The following PTGS2 variants were observed in gnomAD, a reference collection of about 807,000 sequenced individuals.
The protein encoded by PTGS2 is prostaglandin-endoperoxide synthase 2.
PTGS2 carries 14 observed loss-of-function variants against 63.8 expected under a neutral mutation model. The observed-to-expected ratio is 0.22, with a 90% CI of 0.14 to 0.34. The LOEUF (loss-of-function observed/expected upper bound fraction) is 0.34. PTGS2 is among the 10% of genes least tolerant of loss of function. PTGS2 has a pLI of 1.00. For missense variants in PTGS2, 533 were observed against 738.5 expected (o/e 0.72, Z 3.23); for synonymous variants, 271 against 259.5 (o/e 1.04, Z -0.43).
In PTGS2 at chr1:186,673,055, T is replaced by A. The variant is rs979252370; in HGVS notation, c.*1298A>T. ...GTAAAACAAAATAGGAGAAACGAAGTGATGAGAAGACTGTGTCTCTTAGCA... is the reference window on the plus strand; with the variant it reads ...GTAAAACAAAATAGGAGAAACGAAGAGATGAGAAGACTGTGTCTCTTAGCA... On this transcript the variant is annotated 3_prime_UTR_variant, in exon 10 of 10. Coordinates refer to ENST00000367468, the MANE Select transcript of PTGS2 (RefSeq NM_000963.4). The A allele has an allele frequency of 6.6e-6, 1 of 152,042 alleles. No individual in the cohort carries two copies. The highest frequency in any genetic ancestry group is 2.4e-5 in the African/African-American group (1 of 41,478). 9.4% of individuals were successfully genotyped at this position (152,042 alleles called of 1,614,324 possible).
chr1:186,678,912 G>T, intron 3 of PTGS2, 146 bp downstream of exon 3: 1 of 942,592 alleles, frequency 1.1e-6, no homozygotes, highest in Non-Finnish European at 1.5e-6. Context: ...AATATTTTTG[G>T]CGATTAAGAT....
intron 8 of PTGS2, 81 bp from the exon 9 acceptor site, chr1:186,675,477 C>T (rs1211675360): frequency 1.3e-6 from 2 of 1,493,858 alleles, no homozygotes; most frequent in Non-Finnish European, 1.8e-6. Flanking sequence ...AGGTACAAAT[C>T]AGGTAAAACT....
chr1:186,679,587 G>T, intron 1 of PTGS2, 149 bp from the exon 2 acceptor site: 1 of 635,450 alleles, frequency 1.6e-6, no homozygotes, highest in South Asian at 2.0e-5. Context: ...ACCTGCCTTA[G>T]AATGGATAAA....
Position 186,675,273 on chromosome 1 carries a change from A to G in PTGS2, c.1381T>C (p.Tyr461His). ...CCTGTAAGTTCTTCAAATGATTCAT[A>G]GGGCTTCAGCATAAAGCGTTTGCGG... ...EYRKRFMLKP[Y>H]ESFEELTGEK... The change falls in exon 9 of 10, where the codon TAT (tyrosine) becomes CAT (histidine). Residue 461 changes from tyrosine to histidine, a missense_variant. By Grantham distance (83) the Tyr-to-His change is moderately conservative. Coordinates refer to ENST00000367468, the MANE Select transcript of PTGS2 (RefSeq NM_000963.4). 1 of 1,613,548 alleles carries G rather than the reference A, an allele frequency of 6.2e-7. No homozygotes were observed. Among genetic ancestry groups the G allele is most frequent in the Non-Finnish European group, 8.5e-7 (1 of 1,179,900 alleles).
In PTGS2 at chr1:186,672,002, AC is replaced by A. The variant is rs1378315781; in HGVS notation, c.*2350del. ...AAATCAAGTTTTTTTTTTAAAAAAA[AC>A]AGTGAACAGTGTTTTATACAAGCAT... On this transcript the variant is annotated 3_prime_UTR_variant, in exon 10 of 10. Transcript: ENST00000367468. 6.6e-6 allele frequency: 1 copy of A among 152,018 alleles called. No individual in the cohort carries two copies. Among genetic ancestry groups the A allele is most frequent in the African/African-American group, 2.4e-5 (1 of 41,394 alleles). 9.4% of individuals were successfully genotyped at this position (152,018 alleles called of 1,614,324 possible). A position where few individuals can be genotyped will look rare whatever the true frequency, so the allele number is the denominator to read the frequency against.
intron 9 of PTGS2, 33 bp from the exon 10 acceptor site, chr1:186,674,795 A>G: frequency 6.5e-6 from 10 of 1,545,392 alleles, no homozygotes; most frequent in Non-Finnish European, 8.7e-6. Flanking sequence ...GATACAACCA[A>G]TGTCAAACTT....
Position 186,675,896 on chromosome 1 carries a change from A to G in PTGS2, c.1257+2T>C. On this transcript the variant is annotated splice_donor_variant, in intron 8 of 9. Coordinates refer to ENST00000367468, the MANE Select transcript of PTGS2 (RefSeq NM_000963.4). LOFTEE classifies it high-confidence loss of function. ...GTTTTGGTTTTCAATAATAATGCTT[A>G]CCCTGCCAGCAATTTGCCTGGTGAA... 1 of 1,608,490 alleles carries G rather than the reference A, an allele frequency of 6.2e-7. No individual in the cohort carries two copies. The highest frequency in any genetic ancestry group is 8.5e-7 in the Non-Finnish European group (1 of 1,175,852).
intron 5 of PTGS2, among the ~76,000 whole-genome samples, chr1:186,677,288 T>A (rs1558249312): frequency 6.6e-6 from 1 of 152,198 alleles, no homozygotes; most frequent in Non-Finnish European, 1.5e-5. Context: ...GGCAAAAACC[T>A]CACTTTACAA....
chr1:186,679,698 A>G (rs1665842477), intron 1 of PTGS2, among the ~76,000 whole-genome samples: 1 of 152,182 alleles, frequency 6.6e-6, no homozygotes, highest in Non-Finnish European at 1.5e-5. Flanking sequence ...TTAGATGTTA[A>G]AATTAGCATT....
In PTGS2 at chr1:186,672,152, A is replaced by G. The variant is rs1457923425; in HGVS notation, c.*2201T>C. The G allele has an allele frequency of 6.6e-6, 1 of 152,048 alleles. No homozygotes were observed. The highest frequency in any genetic ancestry group is 2.4e-5 in the African/African-American group (1 of 41,434). The allele number at this position is 152,048 out of a possible 1,614,324, so 9.4% of individuals were successfully genotyped here. ...TCTTCCCAAAAGAAAATTTTTTTCA[A>G]TTATTTATATAAATACTATTATCTG... On this transcript the variant is annotated 3_prime_UTR_variant, in exon 10 of 10. Coordinates refer to ENST00000367468, the MANE Select transcript of PTGS2 (RefSeq NM_000963.4).
chr1:186,678,409 A>T lies in PTGS2; in HGVS notation c.314-5T>A. The T allele has an allele frequency of 6.3e-7, 1 of 1,581,904 alleles. No individual in the cohort carries two copies. Among genetic ancestry groups the T allele is most frequent in the Non-Finnish European group, 8.6e-7 (1 of 1,166,660 alleles). Reference sequence around the variant, plus strand: ...TGTCAATCAAATGTGATCTGGCTGAAATTTTCAAAGAAAAAAATGTTTTAT... The same window carrying T: ...TGTCAATCAAATGTGATCTGGCTGATATTTTCAAAGAAAAAAATGTTTTAT... On this transcript the variant is annotated splice_polypyrimidine_tract_variant and splice_region_variant and intron_variant, in intron 3 of 9. Coordinates refer to ENST00000367468, the MANE Select transcript of PTGS2 (RefSeq NM_000963.4).
Position 186,679,154 on chromosome 1 carries a change from T to C in PTGS2, c.217A>G (p.Thr73Ala), listed in dbSNP as rs764773998. The C allele has an allele frequency of 3.1e-6, 5 of 1,613,964 alleles. No homozygotes were observed. The highest frequency in any genetic ancestry group is 3.3e-4 in the Middle Eastern group (2 of 6,060). Reference protein sequence around the residue: ...IKLFLKPTPNTVHYILTHFKG... With the variant: ...IKLFLKPTPNAVHYILTHFKG... ...AAGTGGGTAAGTATGTAGTGCACTGTGTTTGGAGTGGGTTTCAGAAATAAT... is the reference window on the plus strand; with the variant it reads ...AAGTGGGTAAGTATGTAGTGCACTGCGTTTGGAGTGGGTTTCAGAAATAAT... The change falls in exon 3 of 10, where the codon ACA (threonine) becomes GCA (alanine). Residue 73 changes from threonine (T) to alanine (A), a missense_variant. Thr to Ala is a moderately conservative substitution (Grantham distance 58). This residue lies in a region of PTGS2 where 118 missense variants were observed against 144.6 expected (regional missense o/e 0.82). Coordinates refer to ENST00000367468, the MANE Select transcript of PTGS2 (RefSeq NM_000963.4).
Position 186,673,343 on chromosome 1 carries a change from T to G in PTGS2, c.*1010A>C, listed in dbSNP as rs1558245001. On this transcript the variant is annotated 3_prime_UTR_variant, in exon 10 of 10. Transcript: ENST00000367468. Reference sequence around the variant, plus strand: ...ACTTCATTAACCTCATAGCAAAATCTGAGTACCAGGCCTGCAGTGCACAAG... The same window carrying G: ...ACTTCATTAACCTCATAGCAAAATCGGAGTACCAGGCCTGCAGTGCACAAG... 1 of 152,208 alleles carries G rather than the reference T, an allele frequency of 6.6e-6. No homozygotes were observed. The highest frequency in any genetic ancestry group is 1.5e-5 in the Non-Finnish European group (1 of 68,018). The allele number at this position is 152,208 out of a possible 1,614,324, so 9.4% of individuals were successfully genotyped here.
At position 186,675,276 on chromosome 1, in the gene PTGS2, G is replaced by C. The variant is rs1468314972; in HGVS notation, c.1378C>G (p.Pro460Ala). The part of the protein sequence containing the change: ...NEYRKRFMLK[P>A]YESFEELTGE... ...GTAAGTTCTTCAAATGATTCATAGG[G>C]CTTCAGCATAAAGCGTTTGCGGTAC... is the stretch of plus-strand genomic sequence containing the variant. Residue 460 changes from proline (P) to alanine (A), a missense_variant, in exon 9 of 10, where the codon CCC (proline) becomes GCC (alanine). Pro to Ala is a conservative substitution (Grantham distance 27). Around this residue, in one of 5 missense-constraint regions of PTGS2, gnomAD observed 219 missense variants for 267.4 expected, o/e 0.82. Coordinates refer to ENST00000367468, the MANE Select transcript of PTGS2 (RefSeq NM_000963.4). 2 of 1,613,696 alleles carry C rather than the reference G, an allele frequency of 1.2e-6. No homozygotes were observed. The highest frequency in any genetic ancestry group is 3.3e-5 in the Admixed American group (2 of 59,862).
Position 186,676,926 on chromosome 1 carries a change from G to T in PTGS2, c.640-10C>A, listed in dbSNP as rs200743316. The T allele has an allele frequency of 3.1e-6, 5 of 1,595,558 alleles. No homozygotes were observed. In the Admixed American group the frequency reaches 8.6e-5, roughly 27 times the overall value. ...TATGATTTAAGTCCACCTAGAAAATGATGAAAAAATTTTAATTTGTTGCTG... is the reference window on the plus strand; with the variant it reads ...TATGATTTAAGTCCACCTAGAAAATTATGAAAAAATTTTAATTTGTTGCTG... On this transcript the variant is annotated splice_polypyrimidine_tract_variant and intron_variant, in intron 5 of 9. Transcript: ENST00000367468.
rs1208546027 is a variant in PTGS2 at position 186,676,823 on chromosome 1, G to T, written c.723+10C>A. 6.2e-7 allele frequency: 1 copy of T among 1,608,810 alleles called. No homozygotes were observed. On this transcript the variant is annotated intron_variant, in intron 6 of 9. Coordinates refer to ENST00000367468, the MANE Select transcript of PTGS2 (RefSeq NM_000963.4). ...TAATAACTAAGTCTTAATAGTCAAA[G>T]GAAGCATACCTGATATTTCATTTTT...
At chr1:186,675,639 T>G in intron 8 of PTGS2, 2 of 619,342 alleles carry the variant, frequency 3.2e-6, no homozygotes, top group Non-Finnish European at 5.4e-6. Context: ...GCCTAAAATA[T>G]TTATTCCTAT....
rs1665725369 is a variant in PTGS2 at position 186,673,445 on chromosome 1, T to A, written c.*908A>T. On this transcript the variant is annotated 3_prime_UTR_variant, in exon 10 of 10. Coordinates refer to ENST00000367468, the MANE Select transcript of PTGS2 (RefSeq NM_000963.4). ...TGGTTTTCTTCTTTGTTATTGCTTA[T>A]TTTAAAGGTAGACCCTTTTGCTGAT... 1 of 152,204 alleles carries A rather than the reference T, an allele frequency of 6.6e-6. No individual in the cohort carries two copies. The highest frequency in any genetic ancestry group is 2.4e-5 in the African/African-American group (1 of 41,456). 9.4% of individuals were successfully genotyped at this position (152,204 alleles called of 1,614,324 possible). A position where few individuals can be genotyped will look rare whatever the true frequency, so the allele number is the denominator to read the frequency against.
chr1:186,676,790 A>G, intron 6 of PTGS2, 43 bp downstream of exon 6: 1 of 1,601,268 alleles, frequency 6.2e-7, no homozygotes, highest in Non-Finnish European at 8.5e-7. Context: ...AAATATGGGT[A>G]TAAGCGGTAA....
Sources: gnomAD v4.1 joint callset for allele counts (sites outside exome capture counted in the v4.1 genomes callset) on GRCh38, gnomAD v4.1.1 for gene constraint, gnomAD v4.1.1 regional missense constraint, MANE v1.5 for transcripts, NCBI Gene and HGNC (gene_info 2026-07-23, HGNC 2026-07-21) for gene names.